The following HGD variants were observed in gnomAD, a reference collection of about 807,000 sequenced individuals.
HGD encodes the protein homogentisate oxidase.
A neutral mutation model predicts 60.8 loss-of-function variants in HGD; 61 were observed. The ratio of observed to expected loss-of-function variants is 1.00; its 90% CI spans 0.82 to 1.24. The LOEUF is 1.24. Among genes scored for constraint, HGD ranks in the 50% most tolerant of loss-of-function variants. The probability of loss-of-function intolerance (pLI) is 0.00; values close to 1 mark genes in which losing one functional copy is unlikely to be tolerated. For missense variants in HGD, 542 were observed against 547.1 expected (o/e 0.99, Z 0.09); for synonymous variants, 212 against 187.7 (o/e 1.13, Z -1.06).
At chr3:120,665,485 A>C (rs967883477) in intron 4 of HGD, among the ~76,000 whole-genome samples, 6 of 152,236 alleles carry the variant, frequency 3.9e-5, no homozygotes, top group Non-Finnish European at 7.3e-5. Context: ...TAGTTCATTA[A>C]ATTCTGAGAC....
At chr3:120,639,524 A>T (rs1940900153) in intron 11 of HGD, among the ~76,000 whole-genome samples, 1 of 152,216 alleles carries the variant, frequency 6.6e-6, no homozygotes, top group Non-Finnish European at 1.5e-5. Context: ...CACCCTGCTG[A>T]GCCCACATTA....
intron 11 of HGD, among the ~76,000 whole-genome samples, chr3:120,639,619 C>T (rs1198886557): frequency 6.6e-6 from 1 of 152,176 alleles, no homozygotes. Flanking sequence ...CTGAGATGTG[C>T]AGCAGAAGGG....
chr3:120,679,188 G>A (rs1180008607), intron 1 of HGD, among the ~76,000 whole-genome samples: 1 of 152,142 alleles, frequency 6.6e-6, no homozygotes, highest in Non-Finnish European at 1.5e-5. Context: ...TTCTCACCTG[G>A]TCCCCAGGAT....
rs766714128 is a variant in HGD at position 120,652,643 on chromosome 3, C to T, written c.291G>A (p.Trp97Ter). The change falls in exon 5 of 14, where the codon TGG (tryptophan) becomes TGA (stop). Residue 97 changes from tryptophan to a stop codon, truncating the protein, a stop_gained. Transcript: ENST00000283871. LOFTEE classifies it high-confidence loss of function. ...ATGCTTTTGGAATCTCAAATGGTTT[C>T]CATCTAAGCTGGAAAAAAAATACAC... is the stretch of plus-strand genomic sequence containing the variant. Reference protein sequence around the residue: ...EVDPDPNQLRWKPFEIPKASQ... With the variant: ...EVDPDPNQLR The T allele has an allele frequency of 1.9e-6, 3 of 1,612,488 alleles. No homozygotes were observed. Among genetic ancestry groups the T allele is most frequent in the East Asian group, 2.2e-5 (1 of 44,814 alleles).
chr3:120,670,296 C>T, intron 4 of HGD, 131 bp downstream of exon 4: 4 of 698,528 alleles, frequency 5.7e-6, no homozygotes, highest in South Asian at 4.6e-5. Context: ...AAAACAGACA[C>T]ACTTTAGCAT....
intron 4 of HGD, among the ~76,000 whole-genome samples, chr3:120,668,014 C>A (rs1707938855): frequency 6.6e-6 from 1 of 152,060 alleles, no homozygotes; most frequent in South Asian, 2.1e-4. Context: ...AAGGGAGGAG[C>A]TGAATGCCTC....
intron 9 of HGD, among the ~76,000 whole-genome samples, chr3:120,645,830 C>T (rs915547811): frequency 6.6e-6 from 1 of 152,186 alleles, no homozygotes; most frequent in Non-Finnish European, 1.5e-5. Flanking sequence ...ATATCTTCCT[C>T]CTAATCACAA....
At chr3:120,659,087 C>T (rs373842129) in intron 4 of HGD, among the ~76,000 whole-genome samples, 1 of 152,226 alleles carries the variant, frequency 6.6e-6, no homozygotes, top group African/African-American at 2.4e-5. Flanking sequence ...TGGCTATCAG[C>T]ATTTGGCTCC....
intron 13 of HGD, among the ~76,000 whole-genome samples, chr3:120,630,780 T>A (rs1051163497): frequency 3.0e-5 from 4 of 132,928 alleles, no homozygotes; most frequent in African/African-American, 1.3e-4. Flanking sequence ...CAAATGGATC[T>A]AATTAAACTT....
intron 1 of HGD, 105 bp from the exon 2 acceptor site, chr3:120,675,968 G>T: frequency 1.2e-6 from 1 of 805,298 alleles, no homozygotes; most frequent in Non-Finnish European, 2.2e-6. Flanking sequence ...ACCTATGTTT[G>T]TGTATGATGT....
intron 12 of HGD, among the ~76,000 whole-genome samples, chr3:120,633,784 C>T (rs1429305005): frequency 1.3e-5 from 2 of 152,068 alleles, no homozygotes; most frequent in Non-Finnish European, 2.9e-5. Flanking sequence ...ATCTAGAAGG[C>T]TTAGATTGAG....
chr3:120,656,105 ATC>A (rs569556894), intron 4 of HGD, among the ~76,000 whole-genome samples: 14 of 152,214 alleles, frequency 9.2e-5, no homozygotes, highest in African/African-American at 2.9e-4. Context: ...AGAAGAAGAG[ATC>A]TCTCTCTCTG....
chr3:120,640,708 T>C (rs1285594857), intron 11 of HGD, among the ~76,000 whole-genome samples: 6 of 152,234 alleles, frequency 3.9e-5, no homozygotes. Context: ...GCTTTATCAG[T>C]GTCTCAGGAT....
intron 4 of HGD, 104 bp from the exon 5 acceptor site, chr3:120,652,755 C>A (rs1019081495): frequency 4.0e-6 from 3 of 753,178 alleles, no homozygotes; most frequent in African/African-American, 3.5e-5. Flanking sequence ...ACAGCTACCC[C>A]CTCTGTGAGG....
chr3:120,644,592 T>C (rs1941101605), intron 9 of HGD, 149 bp from the exon 10 acceptor site: 2 of 1,540,674 alleles, frequency 1.3e-6, no homozygotes, highest in Non-Finnish European at 1.7e-6. Context: ...ATTTCCAGTC[T>C]GGTACCTTTT....
chr3:120,643,941 T>G (rs1199943146), intron 10 of HGD, among the ~76,000 whole-genome samples: 1 of 152,236 alleles, frequency 6.6e-6, no homozygotes, highest in Non-Finnish European at 1.5e-5. Flanking sequence ...GCTGATCTGT[T>G]AACTCATTTA....
chr3:120,628,318 G>A lies in HGD; in HGVS notation c.*62C>T. The A allele has an allele frequency of 6.4e-7, 1 of 1,553,286 alleles. No homozygotes were observed. Among genetic ancestry groups the A allele is most frequent in the Non-Finnish European group, 8.9e-7 (1 of 1,125,880 alleles). ...CCCCCTCCTCCAATACTACCAGAAA[G>A]CATGAGATTCTGAAGAAATCTTCAC... On this transcript the variant is annotated 3_prime_UTR_variant, in exon 14 of 14. Transcript: ENST00000283871.
intron 4 of HGD, among the ~76,000 whole-genome samples, chr3:120,664,970 A>C (rs1707866681): frequency 1.3e-5 from 2 of 152,212 alleles, no homozygotes; most frequent in Admixed American, 6.5e-5. Flanking sequence ...CAATAGAGTC[A>C]TCTGGGCAGG....
chr3:120,641,500 G>A (rs1940977485), intron 11 of HGD, 89 bp downstream of exon 11: 2 of 841,276 alleles, frequency 2.4e-6, no homozygotes, highest in South Asian at 1.3e-5. Context: ...CATTGGAAAT[G>A]TTAGATCTGT....
Sources: gnomAD v4.1 joint callset for allele counts (sites outside exome capture counted in the v4.1 genomes callset) on GRCh38, gnomAD v4.1.1 for gene constraint, MANE v1.5 for transcripts, NCBI Gene and HGNC (gene_info 2026-07-23, HGNC 2026-07-21) for gene names.